Variants in PCDHA4 observed in about 807,000 individuals in gnomAD.
PCDHA4 encodes protocadherin alpha 4, also known as protocadherin alpha-4.
PCDHA4 carries 49 observed loss-of-function variants against 61.4 expected under a neutral mutation model. The observed-to-expected ratio is 0.80, with a 90% CI of 0.63 to 1.01. PCDHA4 has a LOEUF of 1.01. Among genes scored for constraint, PCDHA4 ranks in the 50% least tolerant of loss-of-function variants. PCDHA4 has a pLI of 0.00. For synonymous variants in PCDHA4, 590 were observed against 550.3 expected, an observed-to-expected ratio of 1.07 and a Z score of -1.01; for missense variants, 1,254 against 1,235.8, an observed-to-expected ratio of 1.01 and a Z score of -0.22.
intron 1 of PCDHA4, among the ~76,000 whole-genome samples, chr5:140,976,124 C>G (rs1554237320): frequency 6.6e-6 from 1 of 152,158 alleles, no homozygotes. Flanking sequence ...CAAGTTTAAT[C>G]AAGTTCTGGA....
chr5:140,868,950 C>T, intron 1 of PCDHA4: 2 of 1,308,056 alleles, frequency 1.5e-6, no homozygotes, highest in Admixed American at 5.4e-5. Flanking sequence ...AACAGTGAGG[C>T]ACTCCCATAC....
intron 1 of PCDHA4, chr5:140,866,192 G>A (rs2049201997): frequency 6.6e-6 from 1 of 152,028 alleles, no homozygotes; most frequent in Non-Finnish European, 1.5e-5. Context: ...AGAAAACTGT[G>A]GTTTCCAATA....
intron 1 of PCDHA4, chr5:140,850,308 G>C: frequency 6.3e-7 from 1 of 1,597,160 alleles, no homozygotes; most frequent in Non-Finnish European, 8.6e-7. Flanking sequence ...GGGCTACAAC[G>C]CGTGGCTTTC....
intron 1 of PCDHA4, chr5:140,836,789 T>C (rs2150269874): frequency 4.9e-6 from 7 of 1,427,046 alleles, no homozygotes; most frequent in East Asian, 2.3e-5. Context: ...ATTAGTTCAA[T>C]TGGTCTCCTT....
Position 140,808,807 on chromosome 5 carries a change from C to G in PCDHA4, c.1620C>G (p.Ala540=), listed in dbSNP as rs7707144. ...LLQFQVTARD[A]GVPPLGSNVT... ...AGTTTCAGGTGACCGCTCGCGATGC[C>G]GGCGTGCCACCTCTGGGCAGCAACG... is the stretch of plus-strand genomic sequence containing the variant. Residue 540 remains alanine (A), a synonymous_variant, in exon 1 of 4, where the codon GCC becomes GCG. Transcript: ENST00000530339. The G allele has an allele frequency of 9.9e-3, 16,035 of 1,612,652 alleles. 1,348 individuals carry two copies. In the African/African-American group the frequency reaches 0.19, roughly 19 times the overall value.
At chr5:140,991,277 C>G (rs1210642530) in intron 3 of PCDHA4, among the ~76,000 whole-genome samples, 1 of 152,148 alleles carries the variant, frequency 6.6e-6, no homozygotes, top group African/African-American at 2.4e-5. Flanking sequence ...CTGCTGAACT[C>G]TATACACTTA....
intron 1 of PCDHA4, chr5:140,870,108 C>T (rs1317421695): frequency 1.2e-6 from 2 of 1,613,788 alleles, no homozygotes; most frequent in Non-Finnish European, 1.7e-6. Context: ...ACTGTACAGT[C>T]TGGGTGGAAA....
At chr5:140,992,017 C>CTGTGTGTGTGTGTG (rs10602499) in intron 3 of PCDHA4, among the ~76,000 whole-genome samples, 1 of 145,628 alleles carries the variant, frequency 6.9e-6, no homozygotes, top group African/African-American at 2.5e-5. Flanking sequence ...AGAGGTGGCT[C>CTGTGTGTGTGTGTG]TGTGTGTGTG....
At chr5:140,928,115 T>A (rs2084949063) in intron 1 of PCDHA4, 1 of 1,614,164 alleles carries the variant, frequency 6.2e-7, no homozygotes, top group East Asian at 2.2e-5. Flanking sequence ...CGGGAGCAGA[T>A]CAGTGAATAC....
At chr5:140,990,272 C>T (rs568200508) in intron 3 of PCDHA4, among the ~76,000 whole-genome samples, 12 of 152,196 alleles carry the variant, frequency 7.9e-5, no homozygotes, top group African/African-American at 1.4e-4. Flanking sequence ...CAATGTACCC[C>T]GGGTCTTGAG....
At chr5:140,961,975 C>T (rs1241757389) in intron 1 of PCDHA4, among the ~76,000 whole-genome samples, 1 of 152,034 alleles carries the variant, frequency 6.6e-6, no homozygotes, top group Non-Finnish European at 1.5e-5. Flanking sequence ...CCTCCGCCTC[C>T]TGGGTTCACG....
At chr5:140,925,189 C>A (rs1488098385) in intron 1 of PCDHA4, among the ~76,000 whole-genome samples, 2 of 152,116 alleles carry the variant, frequency 1.3e-5, no homozygotes, top group African/African-American at 4.8e-5. Flanking sequence ...TACCATCACC[C>A]AGCTTCAATA....
intron 1 of PCDHA4, chr5:140,843,887 A>G: frequency 1.4e-6 from 1 of 705,148 alleles, no homozygotes. Context: ...ATAATACAGT[A>G]TTAATCATTC....
intron 1 of PCDHA4, chr5:140,822,672 TG>T: frequency 6.2e-7 from 1 of 1,608,506 alleles, no homozygotes; most frequent in Non-Finnish European, 8.5e-7. Context: ...CTAATACTGG[TG>T]AAATAAAAGT....
chr5:140,987,999 C>T (rs543796200), intron 3 of PCDHA4, among the ~76,000 whole-genome samples: 3 of 152,292 alleles, frequency 2.0e-5, no homozygotes, highest in African/African-American at 7.2e-5. Context: ...TCTGATCCTT[C>T]CCCAGAAAGA....
At chr5:140,829,296 A>G in intron 1 of PCDHA4, 6 of 1,614,222 alleles carry the variant, frequency 3.7e-6, no homozygotes, top group Non-Finnish European at 5.1e-6. Context: ...TCCACCTTCA[A>G]GAATTACTAC....
chr5:140,887,101 CT>C (rs200717289), intron 1 of PCDHA4, among the ~76,000 whole-genome samples: 3,245 of 145,086 alleles, frequency 0.022, 87 homozygotes, highest in African/African-American at 0.074. Flanking sequence ...ATCTTTATCT[CT>C]TTTTTTTTTT....
chr5:140,815,769 A>C (rs990997775), intron 1 of PCDHA4: 3 of 152,144 alleles, frequency 2.0e-5, no homozygotes, highest in Non-Finnish European at 4.4e-5. Flanking sequence ...AGGCAAGTCT[A>C]ATTGTGATCA....
chr5:140,941,256 T>TTTC (rs2092982969), intron 1 of PCDHA4, among the ~76,000 whole-genome samples: 1 of 45,974 alleles, frequency 2.2e-5, no homozygotes, highest in African/African-American at 7.5e-5. Flanking sequence ...TCTTTCTTTC[T>TTTC]CTTTCTTTCT....
Sources: allele counts gnomAD v4.1 joint callset (sites outside exome capture counted in the v4.1 genomes callset), GRCh38; gene constraint gnomAD v4.1.1; transcripts MANE v1.5; gene names NCBI Gene and HGNC (gene_info 2026-07-23, HGNC 2026-07-21).